The following SLC41A2 variants were observed in gnomAD, a reference collection of about 807,000 sequenced individuals.
The protein encoded by SLC41A2 is SLC41A1-like 1.
SLC41A2 carries 32 observed loss-of-function variants against 58.3 expected under a neutral mutation model. The observed-to-expected ratio is 0.55, with a 90% CI of 0.41 to 0.74. SLC41A2 has a LOEUF of 0.74. Among genes scored for constraint, SLC41A2 ranks in the 30% least tolerant of loss-of-function variants. SLC41A2 has a pLI of 0.00. For missense variants in SLC41A2, 514 were observed against 680.6 expected (o/e 0.76, Z 2.72); for synonymous variants, 190 against 235.0 (o/e 0.81, Z 1.75).
chr12:104,838,227 T>C (rs944907980), intron 10 of SLC41A2, among the ~76,000 whole-genome samples: 1 of 152,188 alleles, frequency 6.6e-6, no homozygotes, highest in Non-Finnish European at 1.5e-5. Flanking sequence ...AAATGGAACA[T>C]TTTTGCTCTT....
At chr12:104,807,617 T>C (rs1215233989) in intron 10 of SLC41A2, among the ~76,000 whole-genome samples, 1 of 152,194 alleles carries the variant, frequency 6.6e-6, no homozygotes, top group Non-Finnish European at 1.5e-5. Context: ...CATTGGTAGC[T>C]TGATGGGGAT....
intron 6 of SLC41A2, among the ~76,000 whole-genome samples, chr12:104,870,444 C>T (rs903613939): frequency 6.6e-6 from 1 of 152,142 alleles, no homozygotes; most frequent in African/African-American, 2.4e-5. Flanking sequence ...ACCCAAAAAA[C>T]ATTTCTATTG....
Position 104,895,254 on chromosome 12 carries a change from C to A in SLC41A2, c.735+20G>T, listed in dbSNP as rs770912911. 22 of 1,591,596 alleles carry A rather than the reference C, an allele frequency of 1.4e-5. No homozygotes were observed. The East Asian group carries it at 1.8e-4, about 13-fold the overall frequency. Reference sequence around the variant, plus strand: ...AATTTGTACACCCAAGATCTGTAAACAAATATGTGTACCACTTACCTGCTT... The same window carrying A: ...AATTTGTACACCCAAGATCTGTAAAAAAATATGTGTACCACTTACCTGCTT... On this transcript the variant is annotated intron_variant, in intron 4 of 10. Transcript: ENST00000258538.
chr12:104,915,103 T>A (rs923227079), intron 2 of SLC41A2, among the ~76,000 whole-genome samples: 1 of 152,212 alleles, frequency 6.6e-6, no homozygotes, highest in Admixed American at 6.5e-5. Context: ...AAGTCAAACA[T>A]AATGTCAGAT....
chr12:104,957,361 A>C (rs1043299933), intron 1 of SLC41A2, among the ~76,000 whole-genome samples: 1 of 152,152 alleles, frequency 6.6e-6, no homozygotes, highest in Non-Finnish European at 1.5e-5. Flanking sequence ...AGTGGTGGCT[A>C]GTGGGGTGGG....
At chr12:104,892,823 T>C (rs542356141) in intron 4 of SLC41A2, among the ~76,000 whole-genome samples, 173 of 152,262 alleles carry the variant, frequency 1.1e-3, no homozygotes, top group African/African-American at 4.1e-3. Context: ...ATGAGACCCC[T>C]ATCTCTCACC....
At chr12:104,921,113 A>G (rs1350978915) in intron 2 of SLC41A2, among the ~76,000 whole-genome samples, 1 of 151,924 alleles carries the variant, frequency 6.6e-6, no homozygotes, top group East Asian at 1.9e-4. Context: ...AAAAAGGATC[A>G]AAGATTGTCT....
intron 4 of SLC41A2, among the ~76,000 whole-genome samples, chr12:104,893,170 A>C (rs1390498224): frequency 6.6e-6 from 1 of 152,166 alleles, no homozygotes; most frequent in Non-Finnish European, 1.5e-5. Flanking sequence ...AAAATCCAAT[A>C]ATCTGATTTT....
intron 3 of SLC41A2, among the ~76,000 whole-genome samples, chr12:104,905,486 G>A (rs2045792300): frequency 6.6e-6 from 1 of 152,268 alleles, no homozygotes; most frequent in Non-Finnish European, 1.5e-5. Flanking sequence ...AGGTGGAGCT[G>A]CCTGCCAGTC....
At chr12:104,941,625 A>C (rs116072753) in intron 1 of SLC41A2, among the ~76,000 whole-genome samples, 2,893 of 152,366 alleles carry the variant, frequency 0.019, 31 homozygotes, top group African/African-American at 0.036. Context: ...AAATGTTGAC[A>C]GAATAAATAT....
At chr12:104,860,138 A>C (rs2136417061) in intron 8 of SLC41A2, among the ~76,000 whole-genome samples, 1 of 152,212 alleles carries the variant, frequency 6.6e-6, no homozygotes, top group Admixed American at 6.5e-5. Context: ...ATTACTTTTT[A>C]AATTATATTG....
chr12:104,929,241 T>C (rs2046966590), intron 1 of SLC41A2, among the ~76,000 whole-genome samples: 1 of 152,210 alleles, frequency 6.6e-6, no homozygotes. Flanking sequence ...CTGAATACTA[T>C]ATAGGGCATT....
At chr12:104,866,161 G>C (rs919054218) in intron 7 of SLC41A2, among the ~76,000 whole-genome samples, 1 of 151,944 alleles carries the variant, frequency 6.6e-6, no homozygotes, top group African/African-American at 2.4e-5. Flanking sequence ...ATCTGGTAAG[G>C]CTTTGGAGAG....
intron 3 of SLC41A2, among the ~76,000 whole-genome samples, chr12:104,904,922 G>A (rs1032253875): frequency 3.3e-5 from 5 of 152,142 alleles, no homozygotes; most frequent in Non-Finnish European, 7.4e-5. Flanking sequence ...CCACACTGTG[G>A]AAGGGGACCC....
At chr12:104,888,086 G>A (rs751812075) in intron 5 of SLC41A2, among the ~76,000 whole-genome samples, 10 of 151,938 alleles carry the variant, frequency 6.6e-5, no homozygotes, top group Admixed American at 1.3e-4. Context: ...GCATGCTGAT[G>A]GCATAATTAT....
intron 6 of SLC41A2, among the ~76,000 whole-genome samples, chr12:104,869,990 G>T (rs1489923159): frequency 2.0e-5 from 3 of 152,088 alleles, no homozygotes; most frequent in African/African-American, 7.2e-5. Context: ...TAAAATCTGG[G>T]TATATCATAA....
chr12:104,906,789 T>C (rs2045873560), intron 3 of SLC41A2, among the ~76,000 whole-genome samples: 1 of 152,202 alleles, frequency 6.6e-6, no homozygotes. Flanking sequence ...AGCCCAGCTG[T>C]CTAGAATGCT....
chr12:104,809,523 A>G (rs1182886023), intron 10 of SLC41A2, among the ~76,000 whole-genome samples: 2 of 152,162 alleles, frequency 1.3e-5, no homozygotes, highest in Non-Finnish European at 2.9e-5. Flanking sequence ...TCAATTCTTC[A>G]TTAGTGTTTC....
chr12:104,946,624 T>C (rs1383596375), intron 1 of SLC41A2, among the ~76,000 whole-genome samples: 1 of 152,228 alleles, frequency 6.6e-6, no homozygotes, highest in African/African-American at 2.4e-5. Context: ...AGTTGTATTA[T>C]TCACATGGAA....
Sources: allele counts gnomAD v4.1 joint callset (sites outside exome capture counted in the v4.1 genomes callset), GRCh38; gene constraint gnomAD v4.1.1; transcripts MANE v1.5; gene names NCBI Gene and HGNC (gene_info 2026-07-23, HGNC 2026-07-21).